Variants in RFC3 observed in about 807,000 individuals in gnomAD.
RFC3 encodes A1 38 kDa subunit.
In RFC3, 41 loss-of-function variants were observed where a neutral mutation model predicts 45.1. The observed-to-expected ratio is 0.91, with a 90% confidence interval of 0.71 to 1.18. The LOEUF is 1.18. RFC3 is among the 50% of genes most tolerant of loss of function. The pLI, the probability that RFC3 is intolerant of heterozygous loss-of-function variation, is 0.00. For synonymous variants in RFC3, 149 were observed against 144.0 expected (o/e 1.03, Z -0.25); for missense variants, 423 against 428.1 (o/e 0.99, Z 0.10).
intron 8 of RFC3, chr13:33,846,394 G>C (rs2082237024): frequency 6.6e-6 from 1 of 152,282 alleles, no homozygotes; most frequent in Admixed American, 6.5e-5. Flanking sequence ...TGTCTACAAA[G>C]GTCATCCGGG....
chr13:33,971,049 T>TA (rs368759572), downstream of RFC3, among the ~76,000 whole-genome samples: 737 of 151,954 alleles, frequency 4.9e-3, 7 homozygotes, highest in African/African-American at 0.016. Context: ...CCTTTTTTAT[T>TA]AAAAAAAATA....
In RFC3 at chr13:33,818,169, T is replaced by C; in HGVS notation, c.-10T>C. 1 of 1,610,788 alleles carries C rather than the reference T, an allele frequency of 6.2e-7. No individual in the cohort carries two copies. Among genetic ancestry groups the C allele is most frequent in the Non-Finnish European group, 8.5e-7 (1 of 1,178,534 alleles). ...TTTTCAAGCGTAGGCCCCCGGGAAC[T>C]CGAGCTGCCATGAGCCTCTGGGTGG... On this transcript the variant is annotated 5_prime_UTR_variant, in exon 1 of 9. Coordinates refer to ENST00000380071, the MANE Select transcript of RFC3 (RefSeq NM_002915.4).
At chr13:33,975,702 T>C in the RFC3 span, among the ~76,000 whole-genome samples, 1 of 152,100 alleles carries the variant, frequency 6.6e-6, no homozygotes, top group African/African-American at 2.4e-5. Flanking sequence ...GACTAAAGGC[T>C]GAAAGAAGCA....
Position 33,896,611 on chromosome 13 carries a change from C to T in RFC3, c.879+61394C>T, listed in dbSNP as rs144302466. Among the ~76,000 whole-genome samples, 537 of 140,048 alleles carry T rather than the reference C, an allele frequency of 3.8e-3. 4 individuals carry two copies. Among genetic ancestry groups the T allele is most frequent in the African/African-American group, 0.013 (503 of 38,578 alleles). The allele number at this position is 140,048 out of a possible 152,430, so 91.9% of individuals were successfully genotyped here. A position where few individuals can be genotyped will look rare whatever the true frequency, so the allele number is the denominator to read the frequency against. ...TGGTGGTCCCCAGTTACTTGGGAGGCTGAGGCATGAAAATCACCTGAACTC... is the reference window on the plus strand; with the variant it reads ...TGGTGGTCCCCAGTTACTTGGGAGGTTGAGGCATGAAAATCACCTGAACTC... On this transcript the variant is annotated intron_variant, in intron 8 of 8. Coordinates refer to the RFC3 transcript ENST00000434425.
At chr13:33,921,301 C>G (rs544906107) in intron 8 of RFC3, among the ~76,000 whole-genome samples, 1 of 152,112 alleles carries the variant, frequency 6.6e-6, no homozygotes, top group South Asian at 2.1e-4. Flanking sequence ...TTAGTGGCTC[C>G]GTAAGTGGAG....
Position 33,939,571 on chromosome 13 carries a change from A to G in RFC3, c.880-26516A>G, listed in dbSNP as rs750679419. Among the ~76,000 whole-genome samples the G allele has an allele frequency of 1.5e-4, 23 of 152,184 alleles. 1 individual carries two copies. Among genetic ancestry groups the G allele is most frequent in the South Asian group, 6.2e-4 (3 of 4,834 alleles). On this transcript the variant is annotated intron_variant, in intron 8 of 8. Transcript: ENST00000434425. The stretch of plus-strand genomic sequence containing the variant: ...AATAAACCAGTAAATGTAAGTTTAA[A>G]AGTGTAAATAAGTAAGTTCTGTGAG...
At chr13:33,849,502 A>G (rs1342595163) in intron 8 of RFC3, 1 of 152,122 alleles carries the variant, frequency 6.6e-6, no homozygotes. Flanking sequence ...AGCTAGTATA[A>G]CCCTTCTCCA....
intron 8 of RFC3, among the ~76,000 whole-genome samples, chr13:33,899,515 A>G (rs572317504): frequency 2.0e-5 from 3 of 152,062 alleles, no homozygotes; most frequent in South Asian, 4.1e-4. Flanking sequence ...CAAACTAGAT[A>G]AAGAAGAAAC....
chr13:33,821,310 G>A (rs750502630), intron 2 of RFC3, 41 bp downstream of exon 2: 7 of 1,582,320 alleles, frequency 4.4e-6, no homozygotes, highest in Admixed American at 4.4e-5. Flanking sequence ...AATTTATAGC[G>A]GGGACTTTCA....
rs146557081 is a variant in RFC3 at position 33,825,809 on chromosome 13, G to A, written c.314G>A (p.Arg105Gln). ...TGTAGTGATGCTGGAAATAGTGACCGAGTAGTCATTCAGGAGATGTTGAAA... is the reference window on the plus strand; with the variant it reads ...TGTAGTGATGCTGGAAATAGTGACCAAGTAGTCATTCAGGAGATGTTGAAA... ...VNPSDAGNSD[R>Q]VVIQEMLKTV... Residue 105 changes from arginine (R) to glutamine (Q), a missense_variant, in exon 4 of 9, where the codon CGA (arginine) becomes CAA (glutamine). Transcript: ENST00000380071. 4.4e-5 allele frequency: 70 copies of A among 1,597,960 alleles called. No homozygotes were observed. The Admixed American group carries it at 7.1e-4, about 16-fold the overall frequency.
intron 8 of RFC3, among the ~76,000 whole-genome samples, chr13:33,938,184 CAAAAAAAA>C (rs34685731): frequency 1.4e-5 from 1 of 70,782 alleles, no homozygotes; most frequent in South Asian, 6.9e-4. Flanking sequence ...AGTCCAACTG[CAAAAAAAA>C]AAAAAAAAAA....
In RFC3 at chr13:33,818,185, C is replaced by T. The variant is rs927280915; in HGVS notation, c.7C>T (p.Leu3Phe). 1.2e-5 allele frequency: 19 copies of T among 1,613,322 alleles called. No homozygotes were observed. The Admixed American group carries it at 1.7e-4, about 14-fold the overall frequency. Residue 3 changes from leucine (L) to phenylalanine (F), a missense_variant, in exon 1 of 9, where the codon CTC (leucine) becomes TTC (phenylalanine). Coordinates refer to ENST00000380071, the MANE Select transcript of RFC3 (RefSeq NM_002915.4). ...CCCGGGAACTCGAGCTGCCATGAGC[C>T]TCTGGGTGGACAAGTATCGGCCCTG... MS[L>F]WVDKYRPCSL...
the RFC3 span, among the ~76,000 whole-genome samples, chr13:33,974,047 A>G: frequency 6.6e-6 from 1 of 152,154 alleles, no homozygotes; most frequent in Non-Finnish European, 1.5e-5. Flanking sequence ...CAGGACTGGC[A>G]GTAACAGTGG....
At chr13:33,962,143 A>G (rs1355222478) in intron 8 of RFC3, among the ~76,000 whole-genome samples, 1 of 152,158 alleles carries the variant, frequency 6.6e-6, no homozygotes, top group East Asian at 1.9e-4. Flanking sequence ...TTTTCTCTGT[A>G]GGATCCTTTT....
At chr13:33,886,663 T>C (rs1398269653) in intron 8 of RFC3, among the ~76,000 whole-genome samples, 3 of 151,824 alleles carry the variant, frequency 2.0e-5, no homozygotes, top group African/African-American at 2.4e-5. Flanking sequence ...CTTTAAGTTT[T>C]AGGGTACATG....
chr13:33,918,838 T>G (rs1291197463), intron 8 of RFC3, among the ~76,000 whole-genome samples: 1 of 152,114 alleles, frequency 6.6e-6, no homozygotes, highest in African/African-American at 2.4e-5. Flanking sequence ...TATTTCCACA[T>G]TCTCAAAAGC....
At chr13:33,891,745 A>G (rs2082564607) in intron 8 of RFC3, among the ~76,000 whole-genome samples, 2 of 152,208 alleles carry the variant, frequency 1.3e-5, no homozygotes, top group South Asian at 4.1e-4. Context: ...CAGATGCTCT[A>G]CTTCTACAAT....
At chr13:33,825,080 A>G (rs1486958637) in intron 3 of RFC3, among the ~76,000 whole-genome samples, 1 of 152,194 alleles carries the variant, frequency 6.6e-6, no homozygotes, top group East Asian at 1.9e-4. Context: ...TGAAGCATAG[A>G]TAAGCAATTG....
intron 8 of RFC3, among the ~76,000 whole-genome samples, chr13:33,854,251 A>C (rs2082295209): frequency 6.6e-6 from 1 of 152,174 alleles, no homozygotes; most frequent in Non-Finnish European, 1.5e-5. Context: ...TCACAGATGA[A>C]TCCAGAGTAG....
Sources: gnomAD v4.1 joint callset for allele counts (sites outside exome capture counted in the v4.1 genomes callset) on GRCh38, gnomAD v4.1.1 for gene constraint, MANE v1.5 for transcripts, NCBI Gene and HGNC (gene_info 2026-07-23, HGNC 2026-07-21) for gene names.